Variants in FOXN3 observed in about 807,000 individuals in gnomAD.
The protein encoded by FOXN3 is forkhead box protein N3.
In FOXN3, 7 loss-of-function variants were observed where a neutral mutation model predicts 38.4. The ratio of observed to expected loss-of-function variants is 0.18; its 90% CI spans 0.10 to 0.34. The LOEUF is 0.34. Among genes scored for constraint, FOXN3 ranks in the 10% least tolerant of loss-of-function variants. FOXN3 has a pLI of 1.00. For missense variants in FOXN3, 456 were observed against 613.4 expected (o/e 0.74, Z 2.71); for synonymous variants, 230 against 242.2 (o/e 0.95, Z 0.47).
chr14:89,234,041 A>C (rs1350103287), intron 4 of FOXN3, among the ~76,000 whole-genome samples: 1 of 152,168 alleles, frequency 6.6e-6, no homozygotes, highest in African/African-American at 2.4e-5. Context: ...CAGGATAGAA[A>C]GCCACAGTGC....
In FOXN3 at chr14:89,218,527, A is replaced by G. The variant is rs564896568; in HGVS notation, c.746-37721T>C. On this transcript the variant is annotated intron_variant, in intron 4 of 5. Transcript: ENST00000557258. ...TTGTGTGTGTTTTACACATGTGAAG[A>G]CAAACGTATACATTGTTCTACAGCT... 8.5e-5 allele frequency among the ~76,000 whole-genome samples: 13 copies of G among 152,374 alleles called. No homozygotes were observed. In the South Asian group the frequency reaches 2.7e-3, roughly 32 times the overall value.
In FOXN3 at chr14:89,335,075, TATCACA is replaced by T. The variant is rs1368737784; in HGVS notation, c.680+15591_680+15596del. On this transcript the variant is annotated intron_variant, in intron 3 of 5. Transcript: ENST00000557258. ...AAAGAGTAGAACTTAACTATTTTCA[TATCACA>T]CACACACACACACACACACACACAC... Among the ~76,000 whole-genome samples, 440 of 136,258 alleles carry T rather than the reference TATCACA, an allele frequency of 3.2e-3. 3 individuals carry two copies. The highest frequency in any genetic ancestry group is 0.024 in the South Asian group (108 of 4,526). The allele number at this position is 136,258 out of a possible 152,430, so 89.4% of individuals were successfully genotyped here.
At chr14:89,188,465 C>A (rs1377051134) in intron 4 of FOXN3, among the ~76,000 whole-genome samples, 1 of 152,186 alleles carries the variant, frequency 6.6e-6, no homozygotes, top group Non-Finnish European at 1.5e-5. Context: ...CTCCAGCAGG[C>A]CTGCTTCACC....
chr14:89,222,766 T>C (rs1884507640), intron 4 of FOXN3, among the ~76,000 whole-genome samples: 1 of 152,136 alleles, frequency 6.6e-6, no homozygotes, highest in Non-Finnish European at 1.5e-5. Flanking sequence ...TAAACATCAT[T>C]TTCTTTGCTC....
rs1885557448 is a variant in FOXN3, at chr14:89,254,477, G to C, written c.745+26473C>G. Among the ~76,000 whole-genome samples the C allele has an allele frequency of 2.0e-5, 3 of 152,306 alleles. No homozygotes were observed. In the South Asian group the frequency reaches 6.2e-4, roughly 32 times the overall value. ...CACGGCCAGACAGACAGCTCGGAGT[G>C]TGGCTGCTCAGGTCCAGCCAGTTGC... On this transcript the variant is annotated intron_variant, in intron 4 of 5. Transcript: ENST00000557258.
intron 1 of FOXN3, among the ~76,000 whole-genome samples, chr14:89,526,705 C>G (rs1464375174): frequency 3.3e-5 from 5 of 152,116 alleles, no homozygotes; most frequent in African/African-American, 4.8e-5. Flanking sequence ...GTATTCCCAA[C>G]AAAAATCCCA....
chr14:89,505,399 C>A (rs891806129), intron 1 of FOXN3, among the ~76,000 whole-genome samples: 1 of 152,036 alleles, frequency 6.6e-6, no homozygotes, highest in South Asian at 2.1e-4. Flanking sequence ...CTCAGCCTGC[C>A]GAGTGCCTGC....
chr14:89,594,500 T>C (rs2139930847), intron 1 of FOXN3, among the ~76,000 whole-genome samples: 1 of 152,370 alleles, frequency 6.6e-6, no homozygotes, highest in East Asian at 1.9e-4. Context: ...TATTCAACAT[T>C]TGAATATCCT....
intron 4 of FOXN3, among the ~76,000 whole-genome samples, chr14:89,261,107 G>A (rs931770529): frequency 2.0e-5 from 3 of 152,246 alleles, no homozygotes; most frequent in African/African-American, 7.2e-5. Flanking sequence ...TCTGGACCAT[G>A]CACATAGCAG....
chr14:89,600,866 T>G (rs1896140541), intron 1 of FOXN3, among the ~76,000 whole-genome samples: 1 of 152,166 alleles, frequency 6.6e-6, no homozygotes, highest in African/African-American at 2.4e-5. Context: ...AGAAAGTGAG[T>G]ACAATTTGCA....
intron 3 of FOXN3, among the ~76,000 whole-genome samples, chr14:89,344,708 G>A (rs569109060): frequency 3.9e-5 from 6 of 152,256 alleles, no homozygotes; most frequent in Admixed American, 3.9e-4. Flanking sequence ...CACCCATTGA[G>A]GAACTGTCTT....
intron 1 of FOXN3, among the ~76,000 whole-genome samples, chr14:89,605,667 C>T (rs1896258511): frequency 6.6e-6 from 1 of 151,992 alleles, no homozygotes; most frequent in Admixed American, 6.6e-5. Context: ...AATATTAGAA[C>T]ATGAAGAGTT....
intron 1 of FOXN3, among the ~76,000 whole-genome samples, chr14:89,583,820 A>G (rs968190303): frequency 2.0e-5 from 3 of 151,610 alleles, no homozygotes; most frequent in African/African-American, 7.3e-5. Context: ...TCGGCCTCCC[A>G]AAGTGCTGGG....
chr14:89,482,247 T>G (rs569189559), intron 1 of FOXN3, among the ~76,000 whole-genome samples: 4 of 152,288 alleles, frequency 2.6e-5, no homozygotes, highest in Non-Finnish European at 5.9e-5. Flanking sequence ...CCTCCATACT[T>G]CCCGGCCTCC....
chr14:89,436,659 C>A (rs1348378162), intron 1 of FOXN3, among the ~76,000 whole-genome samples: 1 of 152,192 alleles, frequency 6.6e-6, no homozygotes, highest in Non-Finnish European at 1.5e-5. Flanking sequence ...CGGTCACTTA[C>A]AATCAAAACA....
At chr14:89,276,830 G>A (rs1886314200) in intron 4 of FOXN3, among the ~76,000 whole-genome samples, 1 of 152,224 alleles carries the variant, frequency 6.6e-6, no homozygotes, top group Non-Finnish European at 1.5e-5. Flanking sequence ...GGGGAGCTCT[G>A]AGGCCAACAG....
intron 1 of FOXN3, among the ~76,000 whole-genome samples, chr14:89,573,709 C>T (rs1895541738): frequency 1.3e-5 from 2 of 152,190 alleles, no homozygotes; most frequent in African/African-American, 4.8e-5. Flanking sequence ...AACACATATA[C>T]AAGTACTGGG....
At chr14:89,278,540 C>T (rs892229200) in intron 4 of FOXN3, among the ~76,000 whole-genome samples, 6 of 152,248 alleles carry the variant, frequency 3.9e-5, no homozygotes, top group African/African-American at 9.6e-5. Context: ...TCCATAACCC[C>T]GGCTGGCTTC....
chr14:89,506,508 G>T (rs1166756918), intron 1 of FOXN3, among the ~76,000 whole-genome samples: 1 of 146,644 alleles, frequency 6.8e-6, no homozygotes, highest in Non-Finnish European at 1.5e-5. Context: ...AGGTGGGGGG[G>T]TCAGCCCCCC....
Sources: allele counts gnomAD v4.1 joint callset (sites outside exome capture counted in the v4.1 genomes callset), GRCh38; gene constraint gnomAD v4.1.1; transcripts MANE v1.5; gene names NCBI Gene and HGNC (gene_info 2026-07-23, HGNC 2026-07-21).